Variants in FAM171B observed in about 807,000 individuals in gnomAD.
FAM171B encodes protein FAM171B.
In FAM171B, 19 loss-of-function variants were observed where a neutral mutation model predicts 75.6. The ratio of observed to expected loss-of-function variants is 0.25; its 90% CI spans 0.18 to 0.37. The LOEUF is 0.37. Among genes scored for constraint, FAM171B ranks in the 10% least tolerant of loss-of-function variants. FAM171B has a pLI of 1.00. For missense variants in FAM171B, 848 were observed against 982.4 expected, an observed-to-expected ratio of 0.86 and a Z score of 1.83; for synonymous variants, 367 against 361.7, an observed-to-expected ratio of 1.01 and a Z score of -0.17.
intron 1 of FAM171B, among the ~76,000 whole-genome samples, chr2:186,706,885 T>A (rs1170543064): frequency 6.6e-6 from 1 of 151,998 alleles, no homozygotes; most frequent in African/African-American, 2.4e-5. Context: ...ATATTGAAAA[T>A]TATATATTAA....
chr2:186,736,565 TGG>T (rs1196040120), intron 1 of FAM171B, among the ~76,000 whole-genome samples: 4 of 51,624 alleles, frequency 7.7e-5, no homozygotes, highest in South Asian at 5.1e-4. Context: ...TGTGTGTGTG[TGG>T]GAGAGAGAGA....
intron 1 of FAM171B, among the ~76,000 whole-genome samples, chr2:186,726,607 T>C (rs897017109): frequency 2.0e-5 from 3 of 152,266 alleles, no homozygotes; most frequent in Admixed American, 1.3e-4. Context: ...GAAAGACTCG[T>C]AAAACTACTT....
Position 186,694,410 on chromosome 2 carries a change from A to G in FAM171B, c.237A>G (p.Pro79=), listed in dbSNP as rs745730645. The change falls in exon 1 of 8, where the codon CCA becomes CCG. Residue 79 remains proline (P), a splice_region_variant and synonymous_variant. Transcript: ENST00000304698. ...VPGATSTLTV[P]VSVFMLKVQV... is the part of the protein sequence containing the mutation. ...GGGCAACCTCCACCTTGACGGTTCC[A>G]GGTAGGTCCTGGCTGCCCAGCCCGG... 3.1e-6 allele frequency: 5 copies of G among 1,611,064 alleles called. No homozygotes were observed. Among genetic ancestry groups the G allele is most frequent in the Non-Finnish European group, 4.2e-6 (5 of 1,178,522 alleles).
intron 6 of FAM171B, among the ~76,000 whole-genome samples, chr2:186,756,812 G>A (rs1459861851): frequency 6.6e-6 from 1 of 152,072 alleles, no homozygotes; most frequent in Non-Finnish European, 1.5e-5. Context: ...GGCTTCAAAT[G>A]GGGGGTTTGC....
chr2:186,744,058 A>C (rs1048495583), intron 3 of FAM171B, among the ~76,000 whole-genome samples: 2 of 152,164 alleles, frequency 1.3e-5, no homozygotes, highest in African/African-American at 2.4e-5. Context: ...AGAGTGCAGA[A>C]ATCATGTTTT....
At chr2:186,751,546 C>G (rs994404794) in intron 5 of FAM171B, among the ~76,000 whole-genome samples, 2 of 152,066 alleles carry the variant, frequency 1.3e-5, no homozygotes, top group African/African-American at 2.4e-5. Flanking sequence ...GTAGCACCAC[C>G]ATTTTGAGGT....
intron 5 of FAM171B, among the ~76,000 whole-genome samples, chr2:186,751,975 G>A (rs568485490): frequency 1.4e-4 from 21 of 152,150 alleles, no homozygotes; most frequent in Admixed American, 2.6e-4. Flanking sequence ...CACAGGGCTT[G>A]GGCTTGGTTT....
chr2:186,726,971 C>G (rs1315102609), intron 1 of FAM171B, among the ~76,000 whole-genome samples: 1 of 152,126 alleles, frequency 6.6e-6, no homozygotes, highest in Non-Finnish European at 1.5e-5. Context: ...ATTATCATTC[C>G]TTTTATCAGG....
At chr2:186,743,411 C>G in intron 2 of FAM171B, 72 bp from the exon 3 acceptor site, 1 of 1,019,350 alleles carries the variant, frequency 9.8e-7, no homozygotes, top group South Asian at 1.5e-5. Context: ...CTTGCTGTTA[C>G]AGAACTATAT....
chr2:186,761,914 T>A lies in FAM171B; in HGVS notation c.1572T>A (p.Arg524=). The A allele has an allele frequency of 1.2e-6, 2 of 1,613,112 alleles. No homozygotes were observed. The highest frequency in any genetic ancestry group is 1.7e-6 in the Non-Finnish European group (2 of 1,179,670). Residue 524 remains arginine, a synonymous_variant, in exon 8 of 8, where the codon CGT becomes CGA. Transcript: ENST00000304698. ...YLTGNEEAYG[R]SHIPEQLMHI... The stretch of plus-strand genomic sequence containing the variant: ...CAGGTAATGAGGAGGCGTATGGGCG[T>A]TCCCATATTCCTGAACAGCTTATGC...
intron 1 of FAM171B, among the ~76,000 whole-genome samples, chr2:186,731,767 C>T (rs1308923863): frequency 6.6e-6 from 1 of 152,108 alleles, no homozygotes; most frequent in Non-Finnish European, 1.5e-5. Context: ...AGCCATTCCC[C>T]ATCACTCACA....
intron 6 of FAM171B, among the ~76,000 whole-genome samples, chr2:186,760,056 T>C (rs1023612247): frequency 6.6e-6 from 1 of 152,172 alleles, no homozygotes; most frequent in Admixed American, 6.6e-5. Context: ...CTTTCCCCAA[T>C]ATATGTTCTT....
rs898019447 is a variant in FAM171B, at chr2:186,764,401, T to C, written c.*1578T>C. The C allele has an allele frequency of 1.1e-4, 17 of 150,906 alleles. No individual in the cohort carries two copies. Among genetic ancestry groups the C allele is most frequent in the Non-Finnish European group, 2.4e-4 (16 of 67,678 alleles). The allele number at this position is 150,906 out of a possible 1,614,324, so 9.3% of individuals were successfully genotyped here. A position where few individuals can be genotyped will look rare whatever the true frequency, so the allele number is the denominator to read the frequency against. On this transcript the variant is annotated 3_prime_UTR_variant, in exon 8 of 8. Transcript: ENST00000304698. ...AAAGAACATAAAGACCCTAGGCAAA[T>C]ATTTGCTATATATTACCCCAATCCA...
chr2:186,699,640 A>G (rs2105769811), intron 1 of FAM171B, among the ~76,000 whole-genome samples: 1 of 152,182 alleles, frequency 6.6e-6, no homozygotes, highest in African/African-American at 2.4e-5. Flanking sequence ...GATCCCATTT[A>G]ACCATTTTTG....
chr2:186,702,855 A>G (rs559252402), intron 1 of FAM171B, among the ~76,000 whole-genome samples: 1 of 152,230 alleles, frequency 6.6e-6, no homozygotes, highest in Admixed American at 6.5e-5. Context: ...CAAAAGTAAG[A>G]TTTAAAATTA....
intron 1 of FAM171B, among the ~76,000 whole-genome samples, chr2:186,718,996 G>C (rs974394179): frequency 6.6e-6 from 1 of 152,146 alleles, no homozygotes; most frequent in African/African-American, 2.4e-5. Context: ...TATTCATGCT[G>C]TGCTATTCGT....
intron 1 of FAM171B, among the ~76,000 whole-genome samples, chr2:186,724,839 T>G (rs1344916107): frequency 6.6e-6 from 1 of 152,008 alleles, no homozygotes; most frequent in Non-Finnish European, 1.5e-5. Context: ...GGAGGGGAAA[T>G]GAGCTCAGAG....
At chr2:186,746,170 G>A (rs1423258566) in intron 3 of FAM171B, among the ~76,000 whole-genome samples, 1 of 152,118 alleles carries the variant, frequency 6.6e-6, no homozygotes, top group Admixed American at 6.5e-5. Flanking sequence ...AAAATCTGTT[G>A]ATTACAGAAA....
chr2:186,694,068 C>T lies in FAM171B; in HGVS notation c.-106C>T. 1 of 1,354,014 alleles carries T rather than the reference C, an allele frequency of 7.4e-7. No homozygotes were observed. Among genetic ancestry groups the T allele is most frequent in the South Asian group, 1.7e-5 (1 of 59,206 alleles). 83.9% of individuals were successfully genotyped at this position (1,354,014 alleles called of 1,614,324 possible). A position where few individuals can be genotyped will look rare whatever the true frequency, so the allele number is the denominator to read the frequency against. On this transcript the variant is annotated 5_prime_UTR_variant, in exon 1 of 8. Coordinates refer to ENST00000304698, the MANE Select transcript of FAM171B (RefSeq NM_177454.4). ...CGGTGAGGGAGTGCTTGGCAGATTG[C>T]GCGAGGGGGAGCGAGCGAGCGGGCG...
Sources: gnomAD v4.1 joint callset for allele counts (sites outside exome capture counted in the v4.1 genomes callset) on GRCh38, gnomAD v4.1.1 for gene constraint, MANE v1.5 for transcripts, NCBI Gene and HGNC (gene_info 2026-07-23, HGNC 2026-07-21) for gene names.